Variants in PTPRT observed in about 807,000 individuals in gnomAD.
The protein encoded by PTPRT is receptor-type tyrosine-protein phosphatase T.
In PTPRT, 56 loss-of-function variants were observed where a neutral mutation model predicts 176.8. The observed-to-expected ratio is 0.32, with a 90% CI of 0.26 to 0.40. PTPRT has a LOEUF of 0.40. Among genes scored for constraint, PTPRT ranks in the 10% least tolerant of loss-of-function variants. The pLI is 1.00. For synonymous variants in PTPRT, 783 were observed against 739.0 expected (o/e 1.06, Z -0.96); for missense variants, 1,540 against 1,908.2 (o/e 0.81, Z 3.60).
intron 2 of PTPRT, among the ~76,000 whole-genome samples, chr20:42,824,272 A>T (rs898858097): frequency 3.3e-5 from 5 of 152,152 alleles, no homozygotes; most frequent in African/African-American, 7.2e-5. Flanking sequence ...AATTCTAAAG[A>T]TCATTTGAAA....
rs143936964 is a variant in PTPRT at position 42,681,842 on chromosome 20, C to T, written c.860-3683G>A. ...AGGGATACACATATACACAATGGAA[C>T]GCTGCTCAGCAAGAAATGAACAAGC... is the stretch of plus-strand genomic sequence containing the variant. On this transcript the variant is annotated intron_variant, in intron 6 of 30. Coordinates refer to ENST00000373187, the MANE Select transcript of PTPRT (RefSeq NM_007050.6). Among the ~76,000 whole-genome samples the T allele has an allele frequency of 3.9e-5, 6 of 152,298 alleles. 1 individual carries two copies. Among genetic ancestry groups the T allele is most frequent in the East Asian group, 1.9e-4 (1 of 5,180 alleles).
chr20:42,739,904 GC>G (rs2076583672), intron 6 of PTPRT, among the ~76,000 whole-genome samples: 1 of 152,158 alleles, frequency 6.6e-6, no homozygotes, highest in South Asian at 2.1e-4. Flanking sequence ...ATTTTGGTAT[GC>G]CCAGCATTCC....
At chr20:42,764,568 G>C (rs1010565291) in intron 5 of PTPRT, among the ~76,000 whole-genome samples, 1 of 152,146 alleles carries the variant, frequency 6.6e-6, no homozygotes, top group Non-Finnish European at 1.5e-5. Flanking sequence ...CCATGAGGTA[G>C]GCATGGAAGA....
At chr20:42,277,360 C>T (rs1432663862) in intron 13 of PTPRT, among the ~76,000 whole-genome samples, 1 of 152,164 alleles carries the variant, frequency 6.6e-6, no homozygotes, top group South Asian at 2.1e-4. Context: ...AACTGCCACT[C>T]GGGCGCACCC....
chr20:42,330,040 A>G (rs1328260145), intron 11 of PTPRT, among the ~76,000 whole-genome samples: 1 of 152,194 alleles, frequency 6.6e-6, no homozygotes, highest in African/African-American at 2.4e-5. Context: ...CCAGCTGGGC[A>G]TTGTTGACTA....
chr20:42,070,780 T>A (rs1982289133), downstream of PTPRT, among the ~76,000 whole-genome samples: 1 of 152,208 alleles, frequency 6.6e-6, no homozygotes, highest in South Asian at 2.1e-4. Flanking sequence ...AATAATTTTA[T>A]ATTGAGTCCT....
chr20:43,104,942 A>G (rs1010930190), intron 1 of PTPRT, among the ~76,000 whole-genome samples: 3 of 152,140 alleles, frequency 2.0e-5, no homozygotes, highest in Admixed American at 2.0e-4. Flanking sequence ...ATTGTTTCTC[A>G]CACAGAATAT....
chr20:42,380,278 G>A (rs542371167), intron 9 of PTPRT, among the ~76,000 whole-genome samples: 5 of 152,228 alleles, frequency 3.3e-5, no homozygotes, highest in African/African-American at 1.2e-4. Context: ...CCTTCTCCAT[G>A]TGCTGGAGCA....
intron 2 of PTPRT, among the ~76,000 whole-genome samples, chr20:42,803,219 T>G (rs934077085): frequency 1.3e-5 from 2 of 152,220 alleles, no homozygotes; most frequent in Admixed American, 6.5e-5. Flanking sequence ...TCTCCAAGTG[T>G]GGCCCTGAGC....
the PTPRT span, among the ~76,000 whole-genome samples, chr20:42,055,695 T>C: frequency 5.3e-4 from 81 of 151,766 alleles, no homozygotes; most frequent in African/African-American, 1.8e-3. Context: ...GGGAGGACCA[T>C]GGGGGGAATG....
intron 1 of PTPRT, among the ~76,000 whole-genome samples, chr20:43,188,749 T>TTG: frequency 1.7e-5 from 1 of 58,218 alleles, no homozygotes; most frequent in South Asian, 7.5e-4. Context: ...CCGCTACTCT[T>TTG]GGGGGGGGGG....
At chr20:42,431,424 C>T (rs1001789965) in intron 9 of PTPRT, among the ~76,000 whole-genome samples, 1 of 152,060 alleles carries the variant, frequency 6.6e-6, no homozygotes, top group East Asian at 1.9e-4. Context: ...GACAATTATG[C>T]CATCATTAAA....
chr20:43,170,173 TAC>T (rs11468955), intron 1 of PTPRT, among the ~76,000 whole-genome samples: 10,912 of 151,780 alleles, frequency 0.072, 633 homozygotes, highest in African/African-American at 0.15. Context: ...TCGATATATA[TAC>T]GGGGGAAATT....
At chr20:42,917,782 AG>A (rs1270244384) in intron 1 of PTPRT, among the ~76,000 whole-genome samples, 1 of 152,172 alleles carries the variant, frequency 6.6e-6, no homozygotes, top group African/African-American at 2.4e-5. Flanking sequence ...ATAACTAGTG[AG>A]GAATGAGCGA....
At chr20:42,641,011 T>C (rs549009713) in intron 7 of PTPRT, among the ~76,000 whole-genome samples, 2 of 152,196 alleles carry the variant, frequency 1.3e-5, no homozygotes. Flanking sequence ...ATAGCATCTA[T>C]AATTACCATT....
chr20:42,700,560 T>C (rs1244734832), intron 6 of PTPRT, among the ~76,000 whole-genome samples: 1 of 152,244 alleles, frequency 6.6e-6, no homozygotes, highest in Non-Finnish European at 1.5e-5. Flanking sequence ...CCGACCTTAT[T>C]ACTCAGAAGA....
intron 7 of PTPRT, among the ~76,000 whole-genome samples, chr20:42,543,502 G>T (rs191438096): frequency 6.6e-6 from 1 of 152,038 alleles, no homozygotes; most frequent in African/African-American, 2.4e-5. Context: ...CATGTGGAAC[G>T]ACTTCTTCCA....
chr20:42,834,346 G>T (rs911053645), intron 2 of PTPRT, among the ~76,000 whole-genome samples: 3 of 151,930 alleles, frequency 2.0e-5, no homozygotes, highest in African/African-American at 4.8e-5. Context: ...TAAAACAAAG[G>T]GGAAAAAGGA....
the PTPRT span, among the ~76,000 whole-genome samples, chr20:42,061,909 C>T: frequency 1.3e-5 from 2 of 152,204 alleles, no homozygotes; most frequent in African/African-American, 4.8e-5. Context: ...TTTAAAAAAT[C>T]CTGAGAGTGA....
Sources: gnomAD v4.1 joint callset for allele counts (sites outside exome capture counted in the v4.1 genomes callset) on GRCh38, gnomAD v4.1.1 for gene constraint, MANE v1.5 for transcripts, NCBI Gene and HGNC (gene_info 2026-07-23, HGNC 2026-07-21) for gene names.